The following SEC31A variants were observed in gnomAD, a reference collection of about 807,000 sequenced individuals.
SEC31A encodes protein transport protein Sec31A.
Under a neutral mutation model 151.0 loss-of-function variants are expected in SEC31A, and 70 were observed. The observed-to-expected ratio is 0.46, with a 90% CI of 0.38 to 0.57. The LOEUF is 0.57. SEC31A is among the 20% of genes least tolerant of loss of function. The probability of loss-of-function intolerance (pLI) is 0.00; values close to 1 mark genes in which losing one functional copy is unlikely to be tolerated. For missense variants in SEC31A, 1,330 were observed against 1,471.2 expected, an observed-to-expected ratio of 0.90 and a Z score of 1.57; for synonymous variants, 475 against 505.9, an observed-to-expected ratio of 0.94 and a Z score of 0.82.
upstream of SEC31A, among the ~76,000 whole-genome samples, chr4:82,892,546 T>C (rs1719863844): frequency 6.6e-6 from 1 of 152,248 alleles, no homozygotes; most frequent in Non-Finnish European, 1.5e-5. Flanking sequence ...TGTTGACCAA[T>C]TACCTCTTTT....
In SEC31A at chr4:82,891,088, C is replaced by G. The variant is rs1439405936; in HGVS notation, c.-5G>C. 2.6e-6 allele frequency: 4 copies of G among 1,535,860 alleles called. No homozygotes were observed. The highest frequency in any genetic ancestry group is 2.7e-5 in the African/African-American group (2 of 73,048). Reference sequence around the variant, plus strand: ...GACAAAAAGCAACGGGCGGACGCACCTGGCGAGGACCTTCGGCAGCCGGAT... The same window carrying G: ...GACAAAAAGCAACGGGCGGACGCACGTGGCGAGGACCTTCGGCAGCCGGAT... On this transcript the variant is annotated splice_region_variant and 5_prime_UTR_variant, in exon 1 of 27. Transcript: ENST00000395310.
At position 82,862,495 on chromosome 4, in the gene SEC31A, A is replaced by G. The variant is rs1734423860; in HGVS notation, c.1548+39T>C. ...TTTCCTTCTTCGTTATGACCTAGCC[A>G]AAGTTTTAGAAGGTAGCTATTTTTA... On this transcript the variant is annotated intron_variant, in intron 13 of 26. Transcript: ENST00000395310. 3.8e-6 allele frequency: 6 copies of G among 1,569,696 alleles called. No homozygotes were observed. In the South Asian group the frequency reaches 4.5e-5, roughly 12 times the overall value.
Position 82,864,516 on chromosome 4 carries a change from A to T in SEC31A, c.1280T>A (p.Val427Glu). ...TTCTGTTACAACCTGACTAATGAAC[A>T]CATGGTGCTGCTGCTGCTGCTGCTC... ...GAEQQQQQHH[V>E]FISQVVTEKE... The change falls in exon 11 of 27, where the codon GTG (valine) becomes GAG (glutamate). Residue 427 changes from valine to glutamate, a missense_variant. Coordinates refer to ENST00000395310, the MANE Select transcript of SEC31A (RefSeq NM_001077207.4). 6.2e-7 allele frequency: 1 copy of T among 1,614,150 alleles called. No homozygotes were observed. The highest frequency in any genetic ancestry group is 8.5e-7 in the Non-Finnish European group (1 of 1,180,036).
In SEC31A at chr4:82,842,359, A is replaced by G. The variant is rs569928471; in HGVS notation, c.2749T>C (p.Ser917Pro). 6.2e-7 allele frequency: 1 copy of G among 1,613,890 alleles called. No individual in the cohort carries two copies. Among genetic ancestry groups the G allele is most frequent in the South Asian group, 1.1e-5 (1 of 91,028 alleles). Residue 917 changes from serine to proline, a missense_variant, in exon 22 of 27, where the codon TCT (serine) becomes CCT (proline). Ser to Pro is a moderately conservative substitution (Grantham distance 74). Transcript: ENST00000395310. ...YPNTPYISSA[S>P]SYTGQSQLYA... is the part of the protein sequence containing the mutation. ...AGCTGAGACTGCCCAGTATAGGAAG[A>G]AGCAGAAGATATGTAAGGGGTGTTA...
chr4:82,819,784 T>C (rs1373539429), intron 26 of SEC31A, among the ~76,000 whole-genome samples: 1 of 151,648 alleles, frequency 6.6e-6, no homozygotes, highest in Non-Finnish European at 1.5e-5. Flanking sequence ...TTTTTTGAGA[T>C]GGAGTCTCAC....
In SEC31A at chr4:82,845,473, AAAC is replaced by A. The variant is rs576613607; in HGVS notation, c.2503-967_2503-965del. ...CTGGAATTCCCAAAAAAACAAAACA[AAAC>A]AACAACAACAAAAACCACACAATCA... On this transcript the variant is annotated intron_variant, in intron 20 of 26. Coordinates refer to ENST00000395310, the MANE Select transcript of SEC31A (RefSeq NM_001077207.4). Among the ~76,000 whole-genome samples, 22 of 152,238 alleles carry A rather than the reference AAAC, an allele frequency of 1.4e-4. No individual in the cohort carries two copies. In the South Asian group the frequency reaches 4.4e-3, roughly 30 times the overall value.
At chr4:82,884,880 G>C (rs1045327605) in intron 1 of SEC31A, among the ~76,000 whole-genome samples, 5 of 151,978 alleles carry the variant, frequency 3.3e-5, no homozygotes, top group Admixed American at 6.5e-5. Context: ...TTGTCCACTT[G>C]ATCTGCCTTG....
At position 82,872,076 on chromosome 4, in the gene SEC31A, G is replaced by C; in HGVS notation, c.650C>G (p.Ser217Cys). Residue 217 changes from serine (S) to cysteine (C), a missense_variant, in exon 7 of 27, where the codon TCT becomes TGT. By Grantham distance (112) the Ser-to-Cys change is moderately radical. Transcript: ENST00000395310. ...VSDHSNRMHC[S>C]GLAWHPDVAT... Reference sequence around the variant, plus strand: ...AACATCAGGATGCCATGCCAACCCAGAACAATGCATCTGAAGATAGTTAAG... The same window carrying C: ...AACATCAGGATGCCATGCCAACCCACAACAATGCATCTGAAGATAGTTAAG... 6.2e-7 allele frequency: 1 copy of C among 1,613,370 alleles called. No homozygotes were observed. Among genetic ancestry groups the C allele is most frequent in the Non-Finnish European group, 8.5e-7 (1 of 1,179,422 alleles).
At chr4:82,820,005 GC>G (rs1560574554) in intron 26 of SEC31A, among the ~76,000 whole-genome samples, 1 of 151,536 alleles carries the variant, frequency 6.6e-6, no homozygotes, top group East Asian at 1.9e-4. Context: ...CAGGTGATCT[GC>G]CCGCCTCAGC....
upstream of SEC31A, chr4:82,891,264 C>A: frequency 7.8e-7 from 1 of 1,286,312 alleles, no homozygotes. Context: ...ACATCTTTCC[C>A]CGCCCACCCG....
Position 82,848,814 on chromosome 4 carries a change from T to A in SEC31A, c.2492A>T (p.Tyr831Phe), listed in dbSNP as rs1226734246. The A allele has an allele frequency of 1.9e-6, 3 of 1,612,842 alleles. No individual in the cohort carries two copies. Among genetic ancestry groups the A allele is most frequent in the Non-Finnish European group, 2.5e-6 (3 of 1,179,628 alleles). ...HQMPRVQTQQ[Y>F]YPHGENPPPP... ...GACCATATCACTCACATGGGGATAA[T>A]ATTGTTGAGTTTGAACTCTTGGCAT... The change falls in exon 20 of 27, where the codon TAT becomes TTT. Residue 831 changes from tyrosine to phenylalanine, a missense_variant. Transcript: ENST00000395310.
chr4:82,866,685 C>T (rs1023710557), intron 10 of SEC31A, 123 bp downstream of exon 10: 2 of 830,002 alleles, frequency 2.4e-6, no homozygotes, highest in Non-Finnish European at 1.8e-6. Flanking sequence ...TGATGAAATA[C>T]CCACAAGTAC....
Position 82,856,211 on chromosome 4 carries a change from C to T in SEC31A, c.1881+741G>A, listed in dbSNP as rs528835616. Among the ~76,000 whole-genome samples the T allele has an allele frequency of 2.0e-5, 3 of 151,980 alleles. No individual in the cohort carries two copies. In the South Asian group the frequency reaches 6.2e-4, roughly 32 times the overall value. On this transcript the variant is annotated intron_variant, in intron 16 of 26. Transcript: ENST00000395310. ...TGTTGCCCGGGCTGGAGTGCAATGGCGTGATCTCGGCTCACCGCATCCTCT... is the reference window on the plus strand; with the variant it reads ...TGTTGCCCGGGCTGGAGTGCAATGGTGTGATCTCGGCTCACCGCATCCTCT...
chr4:82,896,992 G>A (rs555064504), intron 3 of SEC31A, among the ~76,000 whole-genome samples: 3 of 152,280 alleles, frequency 2.0e-5, no homozygotes, highest in African/African-American at 7.2e-5. Context: ...TATAGACCTT[G>A]TCAAGCAATC....
chr4:82,860,652 T>A (rs990257011), intron 14 of SEC31A, among the ~76,000 whole-genome samples: 22 of 151,034 alleles, frequency 1.5e-4, no homozygotes, highest in Non-Finnish European at 2.4e-4. Context: ...TTTTATTTTT[T>A]TTTTTAGAGA....
chr4:82,889,964 A>C lies in SEC31A; in HGVS notation c.-5+1124T>G, dbSNP rs377330397. On this transcript the variant is annotated intron_variant, in intron 1 of 26. Transcript: ENST00000395310. ...GAGAGTAGGCTGGGCGTGGTGGCTT[A>C]TGCCTGTAACCCCAGCACTTCGGGA... Among the ~76,000 whole-genome samples, 148 of 152,242 alleles carry C rather than the reference A, an allele frequency of 9.7e-4. 3 individuals are homozygous for C. The South Asian group carries it at 0.03, about 31-fold the overall frequency.
At chr4:82,860,512 G>A (rs559349377) in intron 14 of SEC31A, among the ~76,000 whole-genome samples, 1 of 152,108 alleles carries the variant, frequency 6.6e-6, no homozygotes, top group Non-Finnish European at 1.5e-5. Flanking sequence ...GTCTTGCTCT[G>A]TCACCCAGGC....
At chr4:82,856,904 A>G in intron 16 of SEC31A, 48 bp downstream of exon 16, 1 of 1,480,430 alleles carries the variant, frequency 6.8e-7, no homozygotes, top group East Asian at 2.3e-5. Context: ...TATTGTTTTT[A>G]TAATTAGAAA....
At position 82,857,012 on chromosome 4, in the gene SEC31A, T is replaced by C; in HGVS notation, c.1821A>G (p.Gln607=). Residue 607 remains glutamine, a synonymous_variant, in exon 16 of 27, where the codon CAA becomes CAG. Transcript: ENST00000395310. The part of the protein sequence containing the change: ...DAIILAIAGG[Q]ELLARTQKKY... ...TTTTCTGGGTTCGAGCCAAGAGTTC[T>C]TGTCCACCTGCTATGGCCAATATAA... 1 of 1,614,000 alleles carries C rather than the reference T, an allele frequency of 6.2e-7. No homozygotes were observed. The highest frequency in any genetic ancestry group is 8.5e-7 in the Non-Finnish European group (1 of 1,179,938).
Sources: gnomAD v4.1 joint callset for allele counts (sites outside exome capture counted in the v4.1 genomes callset) on GRCh38, gnomAD v4.1.1 for gene constraint, MANE v1.5 for transcripts, NCBI Gene and HGNC (gene_info 2026-07-23, HGNC 2026-07-21) for gene names.